Variants in GNAL observed in about 807,000 individuals in gnomAD.
The protein encoded by GNAL is guanine nucleotide-binding protein G(olf) subunit alpha.
In GNAL, 18 loss-of-function variants were observed where a neutral mutation model predicts 55.1. The observed-to-expected ratio is 0.33, with a 90% CI of 0.23 to 0.48. The LOEUF (loss-of-function observed/expected upper bound fraction) is 0.48. Ranked by LOEUF, GNAL falls within the 20% of genes least tolerant of loss-of-function variation. GNAL has a pLI of 0.99. For synonymous variants in GNAL, 253 were observed against 237.0 expected (o/e 1.07, Z -0.62); for missense variants, 412 against 614.1 (o/e 0.67, Z 3.48).
intron 4 of GNAL, among the ~76,000 whole-genome samples, chr18:11,762,334 A>G (rs910741976): frequency 2.0e-5 from 3 of 152,204 alleles, no homozygotes; most frequent in African/African-American, 7.2e-5. Flanking sequence ...AGCGGGTGAC[A>G]TGGAAGAGGT....
At chr18:11,785,811 CAGCAGCTCCTCTGCTCAGCCCCGTGTTG>C (rs1356919649) in intron 4 of GNAL, among the ~76,000 whole-genome samples, 12 of 152,202 alleles carry the variant, frequency 7.9e-5, no homozygotes, top group African/African-American at 2.9e-4. Flanking sequence ...ATGGGTTAAG[CAGCAGCTCCTCTGCTCAGCCCCGTGTTG>C]AGCTGTTATT....
intron 4 of GNAL, among the ~76,000 whole-genome samples, chr18:11,802,168 G>C (rs1165741442): frequency 6.6e-6 from 1 of 152,130 alleles, no homozygotes; most frequent in Admixed American, 6.5e-5. Context: ...AAAATAAAGA[G>C]TATGCTCCTT....
intron 1 of GNAL, among the ~76,000 whole-genome samples, chr18:11,716,130 C>T (rs780076892): frequency 1.3e-5 from 2 of 152,158 alleles, no homozygotes; most frequent in Non-Finnish European, 2.9e-5. Context: ...TACCATTCGA[C>T]GCAGCAATCT....
At position 11,868,057 on chromosome 18, in the gene GNAL, A is replaced by G. The variant is rs773391197; in HGVS notation, c.911-486A>G. Among the ~76,000 whole-genome samples the G allele has an allele frequency of 9.9e-5, 15 of 152,008 alleles. No individual in the cohort carries two copies. The highest frequency in any genetic ancestry group is 1.8e-4 in the Non-Finnish European group (12 of 67,948). On this transcript the variant is annotated intron_variant, in intron 8 of 11. Coordinates refer to ENST00000334049, the MANE Select transcript of GNAL (RefSeq NM_182978.4). The surrounding 1 kb of genome is among the most constrained non-coding windows in gnomAD (Gnocchi z 4.0). The stretch of plus-strand genomic sequence containing the variant: ...GGAGAATCACCTGAACCCGGGAGGC[A>G]GAGGTTGCAGTGAGCCAAGATTGCG...
At chr18:11,852,049 G>A (rs1240339384) in intron 5 of GNAL, 4 of 1,613,658 alleles carry the variant, frequency 2.5e-6, no homozygotes, top group African/African-American at 2.7e-5. Flanking sequence ...GGGCACGAGC[G>A]TGGCTTCGGC....
At chr18:11,766,736 C>T (rs769113049) in intron 4 of GNAL, among the ~76,000 whole-genome samples, 2 of 152,106 alleles carry the variant, frequency 1.3e-5, no homozygotes, top group African/African-American at 4.8e-5. Context: ...GACCAAATGC[C>T]GGAGTACTTA....
At chr18:11,862,278 G>C in intron 5 of GNAL, 117 bp from the exon 6 acceptor site, 1 of 686,350 alleles carries the variant, frequency 1.5e-6, no homozygotes, top group Admixed American at 2.3e-5. Context: ...ACTCACTTCA[G>C]CTTCTTGGCC....
chr18:11,753,073 T>C (rs1432085970), intron 2 of GNAL, 148 bp downstream of exon 2: 1 of 594,784 alleles, frequency 1.7e-6, no homozygotes, highest in African/African-American at 1.9e-5. Context: ...GCTGTTGGAT[T>C]TGGTATATTT....
intron 4 of GNAL, among the ~76,000 whole-genome samples, chr18:11,765,885 G>A (rs546193501): frequency 1.3e-5 from 2 of 152,084 alleles, no homozygotes; most frequent in Non-Finnish European, 2.9e-5. Context: ...TCCAAAGTTC[G>A]CCTCCAGTTT....
In GNAL at chr18:11,844,493, T is replaced by C. The variant is rs142776219; in HGVS notation, c.723-17902T>C. Among the ~76,000 whole-genome samples, 1,235 of 152,302 alleles carry C rather than the reference T, an allele frequency of 8.1e-3. 20 individuals are homozygous for C. Among genetic ancestry groups the C allele is most frequent in the African/African-American group, 0.027 (1,138 of 41,564 alleles). On this transcript the variant is annotated intron_variant, in intron 5 of 11. Transcript: ENST00000334049. ...TGGTTCCTGGAACCAGTGCTCTCCATTCTGTGGCCATGGCCGTTTTAAATC... is the reference window on the plus strand; with the variant it reads ...TGGTTCCTGGAACCAGTGCTCTCCACTCTGTGGCCATGGCCGTTTTAAATC...
At chr18:11,833,904 T>C (rs1241068629) in intron 5 of GNAL, among the ~76,000 whole-genome samples, 1 of 152,170 alleles carries the variant, frequency 6.6e-6, no homozygotes, top group Non-Finnish European at 1.5e-5. Context: ...ACAAGTCCCC[T>C]GGTGAGGAGC....
intron 4 of GNAL, among the ~76,000 whole-genome samples, chr18:11,808,197 T>C (rs538201778): frequency 6.6e-6 from 1 of 152,204 alleles, no homozygotes; most frequent in African/African-American, 2.4e-5. Context: ...CCCCAGACTC[T>C]ACTCTCCTCC....
At chr18:11,840,157 C>G (rs940634997) in intron 5 of GNAL, among the ~76,000 whole-genome samples, 1 of 152,196 alleles carries the variant, frequency 6.6e-6, no homozygotes, top group African/African-American at 2.4e-5. Context: ...TTTCCATTTA[C>G]TTACAATTTT....
intron 10 of GNAL, among the ~76,000 whole-genome samples, chr18:11,876,399 G>C (rs1404233654): frequency 6.6e-6 from 1 of 151,696 alleles, no homozygotes; most frequent in Non-Finnish European, 1.5e-5. Flanking sequence ...GGAGGTGGAG[G>C]TTGCAGTGAG....
In GNAL at chr18:11,714,187, C is replaced by T. The variant is rs138431726; in HGVS notation, c.376+24248C>T. Among the ~76,000 whole-genome samples, 135 of 152,256 alleles carry T rather than the reference C, an allele frequency of 8.9e-4. 3 individuals are homozygous for T. The East Asian group carries it at 0.022, about 25-fold the overall frequency. ...CCCCTGCCATATTCCATCAGTGAAA[C>T]GCATGAACCAAAAAGTATTTGAGAC... is the stretch of plus-strand genomic sequence containing the variant. On this transcript the variant is annotated intron_variant, in intron 1 of 11. Coordinates refer to ENST00000334049, the MANE Select transcript of GNAL (RefSeq NM_182978.4).
At chr18:11,864,184 T>C (rs1355205308) in intron 6 of GNAL, among the ~76,000 whole-genome samples, 1 of 151,586 alleles carries the variant, frequency 6.6e-6, no homozygotes, top group Non-Finnish European at 1.5e-5. Flanking sequence ...CCTCTTGGGT[T>C]CAAGCGATTC....
At chr18:11,861,915 A>G (rs974696614) in intron 5 of GNAL, among the ~76,000 whole-genome samples, 3 of 151,242 alleles carry the variant, frequency 2.0e-5, no homozygotes, top group Admixed American at 6.6e-5. Flanking sequence ...TGCACACCAC[A>G]TACTCGCTCT....
At chr18:11,823,007 T>C (rs542923763) in intron 4 of GNAL, among the ~76,000 whole-genome samples, 7 of 152,214 alleles carry the variant, frequency 4.6e-5, no homozygotes, top group Non-Finnish European at 7.4e-5. Context: ...GTCTATAGTT[T>C]TTATATATCA....
At chr18:11,818,268 C>G (rs1461965511) in intron 4 of GNAL, among the ~76,000 whole-genome samples, 1 of 152,048 alleles carries the variant, frequency 6.6e-6, no homozygotes, top group African/African-American at 2.4e-5. Context: ...AACAAAATAA[C>G]AGATCCAGAC....
Sources: allele counts gnomAD v4.1 joint callset (sites outside exome capture counted in the v4.1 genomes callset), GRCh38; gene constraint gnomAD v4.1.1; non-coding constraint Gnocchi (gnomAD v3.1); transcripts MANE v1.5; gene names NCBI Gene and HGNC (gene_info 2026-07-23, HGNC 2026-07-21).